ADGRG7: variants seen among roughly 807,000 people sequenced by gnomAD.
ADGRG7 encodes the protein adhesion G protein-coupled receptor G7.
In ADGRG7, 82 loss-of-function variants were observed where a neutral mutation model predicts 88.6. That is an observed-to-expected ratio of 0.93 (90% CI 0.77 to 1.11). The LOEUF is 1.11. Among genes scored for constraint, ADGRG7 ranks in the 50% most tolerant of loss-of-function variants. The probability of loss-of-function intolerance (pLI) is 0.00; values close to 1 mark genes in which losing one functional copy is unlikely to be tolerated. For synonymous variants in ADGRG7, 381 were observed against 345.2 expected, an observed-to-expected ratio of 1.10 and a Z score of -1.15; for missense variants, 945 against 953.4, an observed-to-expected ratio of 0.99 and a Z score of 0.12.
chr3:100,630,847 A>C, intron 3 of ADGRG7, 38 bp downstream of exon 3: 2 of 1,149,674 alleles, frequency 1.7e-6, no homozygotes, highest in Non-Finnish European at 2.4e-6. Context: ...ATGCATAAGA[A>C]TTACTATGCT....
intron 15 of ADGRG7, among the ~76,000 whole-genome samples, chr3:100,673,555 G>T (rs1343621255): frequency 1.3e-5 from 2 of 151,292 alleles, no homozygotes; most frequent in Non-Finnish European, 2.9e-5. Context: ...TCTGCCTCCT[G>T]GGTTCAGGAG....
chr3:100,630,867 C>G, intron 3 of ADGRG7, 58 bp downstream of exon 3: 1 of 872,226 alleles, frequency 1.1e-6, no homozygotes, highest in Non-Finnish European at 1.7e-6. Flanking sequence ...TGAGTCATAC[C>G]TCTCATACCT....
Position 100,652,302 on chromosome 3 carries a change from C to T in ADGRG7, c.1379+2495C>T, listed in dbSNP as rs112195922. On this transcript the variant is annotated intron_variant, in intron 11 of 15. Transcript: ENST00000273352. ...TCAGTGTGGGAATCCAAAGATCAAG[C>T]GAGGTCATGATGAAACATCGTAAAA... Among the ~76,000 whole-genome samples the T allele has an allele frequency of 5.1e-3, 778 of 152,054 alleles. 8 individuals are homozygous for T. Among genetic ancestry groups the T allele is most frequent in the African/African-American group, 0.018 (740 of 41,464 alleles).
chr3:100,657,796 T>C (rs912793350), intron 13 of ADGRG7, among the ~76,000 whole-genome samples: 1 of 152,248 alleles, frequency 6.6e-6, no homozygotes, highest in Non-Finnish European at 1.5e-5. Context: ...GAGGCAAGCA[T>C]GCCTTTGCAT....
chr3:100,692,776 T>C (rs1012675994), intron 15 of ADGRG7, among the ~76,000 whole-genome samples: 1 of 152,120 alleles, frequency 6.6e-6, no homozygotes, highest in Non-Finnish European at 1.5e-5. Context: ...TGGATCTGAA[T>C]ATTGCTTACA....
chr3:100,664,429 G>A lies in ADGRG7; in HGVS notation c.1980-4520G>A, dbSNP rs539197048. ...ATTTTCCATAAGGAGAAAAGCTAAC[G>A]GTCATAATTCTATCATAAAATCTAA... On this transcript the variant is annotated intron_variant, in intron 14 of 15. Transcript: ENST00000273352. Among the ~76,000 whole-genome samples the A allele has an allele frequency of 3.0e-4, 45 of 152,152 alleles. 1 individual carries two copies. In the South Asian group the frequency reaches 8.7e-3, roughly 29 times the overall value.
At position 100,646,009 on chromosome 3, in the gene ADGRG7, T is replaced by G; in HGVS notation, c.1011T>G (p.Phe337Leu). The change falls in exon 9 of 16, where the codon TTT (phenylalanine) becomes TTG (leucine). Residue 337 changes from phenylalanine to leucine, a missense_variant. Physicochemically the swap from Phe to Leu is conservative, Grantham distance 22 (BLOSUM62 0). Transcript: ENST00000273352. ...QNDKLFQSKT[F>L]TAKSDFSQKI... ...ACAAGCTTTTCCAATCAAAAACTTT[T>G]ACAGCTAAATCGGATTTTAGTCAAA... 1 of 1,614,128 alleles carries G rather than the reference T, an allele frequency of 6.2e-7. No homozygotes were observed. The highest frequency in any genetic ancestry group is 8.5e-7 in the Non-Finnish European group (1 of 1,179,986).
rs149445621 is a variant in ADGRG7 at position 100,640,665 on chromosome 3, G to A, written c.699-2601G>A. ...GCCTCCCTAGTAGTTGGGATTACAG[G>A]CATGCACAACCCTGCCCAGCTAATT... On this transcript the variant is annotated intron_variant, in intron 6 of 15. Transcript: ENST00000273352. 4.9e-3 allele frequency among the ~76,000 whole-genome samples: 743 copies of A among 152,208 alleles called. 7 individuals are homozygous for A. The highest frequency in any genetic ancestry group is 0.017 in the African/African-American group (709 of 41,520).
intron 5 of ADGRG7, among the ~76,000 whole-genome samples, 189 bp downstream of exon 5, chr3:100,636,015 C>G (rs906174389): frequency 4.6e-5 from 7 of 152,128 alleles, no homozygotes; most frequent in African/African-American, 1.2e-4. Flanking sequence ...GGCCTCTTGT[C>G]CAAATATTTT....
chr3:100,673,464 CTTCT>C (rs1345717263), intron 15 of ADGRG7, among the ~76,000 whole-genome samples: 21 of 122,944 alleles, frequency 1.7e-4, no homozygotes, highest in African/African-American at 4.1e-4. Context: ...CTCTTTTCTT[CTTCT>C]TTTTTTTTTT....
Position 100,695,013 on chromosome 3 carries a change from TA to T in ADGRG7, c.*13del, listed in dbSNP as rs769767626. The T allele has an allele frequency of 2.5e-6, 4 of 1,608,758 alleles. No homozygotes were observed. The Admixed American group carries it at 5.1e-5, about 20-fold the overall frequency. Reference sequence around the variant, plus strand: ...AGGAAAGCATCTAGACAGTAAAACTTACCTGTTGTGGTCTTTTTAATCACCT... The same window carrying T: ...AGGAAAGCATCTAGACAGTAAAACTTCCTGTTGTGGTCTTTTTAATCACCT... On this transcript the variant is annotated 3_prime_UTR_variant, in exon 16 of 16. Transcript: ENST00000273352.
At chr3:100,614,915 G>A (rs1006274008) in intron 1 of ADGRG7, among the ~76,000 whole-genome samples, 3 of 152,106 alleles carry the variant, frequency 2.0e-5, no homozygotes, top group African/African-American at 7.2e-5. Flanking sequence ...ATTGAAAATA[G>A]GGCTAATAAT....
At chr3:100,685,885 C>T (rs1435213890) in intron 15 of ADGRG7, among the ~76,000 whole-genome samples, 7 of 152,154 alleles carry the variant, frequency 4.6e-5, no homozygotes, top group East Asian at 1.9e-4. Context: ...TTTGGGTATA[C>T]ACCCAGTAAT....
At chr3:100,660,033 A>C (rs1481992929) in intron 14 of ADGRG7, among the ~76,000 whole-genome samples, 190 bp downstream of exon 14, 1 of 152,252 alleles carries the variant, frequency 6.6e-6, no homozygotes. Context: ...ACATCCGTAC[A>C]GTCTGCTCTC....
chr3:100,636,431 C>T (rs1248881697), intron 5 of ADGRG7, among the ~76,000 whole-genome samples: 2 of 152,178 alleles, frequency 1.3e-5, no homozygotes, highest in Admixed American at 6.5e-5. Flanking sequence ...TTTCTGAAAA[C>T]TTTAAGCCTA....
intron 15 of ADGRG7, among the ~76,000 whole-genome samples, chr3:100,682,113 A>T (rs539071559): frequency 6.6e-6 from 1 of 152,264 alleles, no homozygotes; most frequent in Admixed American, 6.5e-5. Flanking sequence ...TCAGATGCAG[A>T]TGCTGAGGCA....
At chr3:100,610,811 C>T (rs971286835) in intron 1 of ADGRG7, among the ~76,000 whole-genome samples, 1 of 152,072 alleles carries the variant, frequency 6.6e-6, no homozygotes, top group African/African-American at 2.4e-5. Flanking sequence ...TAATGCCGAT[C>T]GGGAAAGGCA....
chr3:100,694,383 C>A (rs1257423722), intron 15 of ADGRG7, among the ~76,000 whole-genome samples: 1 of 152,166 alleles, frequency 6.6e-6, no homozygotes, highest in Non-Finnish European at 1.5e-5. Context: ...TATGGAAGCA[C>A]AGAATGTTAG....
At chr3:100,645,865 CT>C (rs1304523977) in intron 8 of ADGRG7, 79 bp from the exon 9 acceptor site, 1 of 1,297,130 alleles carries the variant, frequency 7.7e-7, no homozygotes, top group Non-Finnish European at 1.1e-6. Flanking sequence ...CAGCCATGCA[CT>C]TCTACAATAA....
Sources: allele counts gnomAD v4.1 joint callset (sites outside exome capture counted in the v4.1 genomes callset), GRCh38; gene constraint gnomAD v4.1.1; transcripts MANE v1.5; gene names NCBI Gene and HGNC (gene_info 2026-07-23, HGNC 2026-07-21).